Variants in LSG1 observed in about 807,000 individuals in gnomAD.
The protein encoded by LSG1 is large subunit GTPase 1 homolog.
Under a neutral mutation model 82.6 loss-of-function variants are expected in LSG1, and 55 were observed. The ratio of observed to expected loss-of-function variants is 0.67; its 90% CI spans 0.54 to 0.83. The LOEUF (loss-of-function observed/expected upper bound fraction) is 0.83, where lower values mean the gene tolerates loss of function less well. LSG1 is among the 40% of genes least tolerant of loss of function. The probability of loss-of-function intolerance (pLI) is 0.00; values close to 1 mark genes in which losing one functional copy is unlikely to be tolerated. For synonymous variants in LSG1, 272 were observed against 282.5 expected, an observed-to-expected ratio of 0.96 and a Z score of 0.37; for missense variants, 809 against 807.9, an observed-to-expected ratio of 1.00 and a Z score of -0.02.
chr3:194,667,917 C>A (rs1247534203), intron 2 of LSG1, among the ~76,000 whole-genome samples: 2 of 23,782 alleles, frequency 8.4e-5, no homozygotes, highest in Admixed American at 9.3e-4. Context: ...GAGAGAGACT[C>A]CGTCTCAAAA....
At chr3:194,667,293 C>T (rs1252328257) in intron 2 of LSG1, among the ~76,000 whole-genome samples, 1 of 152,034 alleles carries the variant, frequency 6.6e-6, no homozygotes, top group Non-Finnish European at 1.5e-5. Flanking sequence ...TCAGGTGATC[C>T]GCCCGCCTCG....
At chr3:194,645,549 C>CACACAGACAG (rs1560219723) in intron 12 of LSG1, 2 of 47,674 alleles carry the variant, frequency 4.2e-5, no homozygotes, top group South Asian at 1.8e-3. Context: ...CACACACACA[C>CACACAGACAG]ACACACACAC....
chr3:194,662,932 A>G (rs1718963193), intron 5 of LSG1, among the ~76,000 whole-genome samples: 2 of 152,216 alleles, frequency 1.3e-5, no homozygotes, highest in African/African-American at 4.8e-5. Flanking sequence ...AGGCTTGTCA[A>G]CCGGCTTTGT....
intron 8 of LSG1, among the ~76,000 whole-genome samples, chr3:194,652,326 TGGG>T (rs763734077): frequency 1.1e-4 from 17 of 152,364 alleles, no homozygotes; most frequent in South Asian, 2.1e-4. Flanking sequence ...CCCAAGATGC[TGGG>T]ATTCTCCCTA....
chr3:194,657,458 G>T (rs1317037874), intron 7 of LSG1, among the ~76,000 whole-genome samples: 10 of 139,162 alleles, frequency 7.2e-5, no homozygotes, highest in South Asian at 4.7e-4. Flanking sequence ...TGCTTAGTAA[G>T]TTTTTTTTTT....
chr3:194,659,114 A>G lies in LSG1; in HGVS notation c.602T>C (p.Met201Thr). Residue 201 changes from methionine to threonine, a missense_variant, in exon 7 of 14, where the codon ATG (methionine) becomes ACG (threonine). Met to Thr is a moderately conservative substitution (Grantham distance 81). Transcript: ENST00000265245. ...AATGACGTTCTCCTTATTGGCATCC[A>G]TTTCTTTCACATAACATTCCTAAGC... ...CEDLECYVKE[M>T]DANKENVILI... is the part of the protein sequence containing the mutation. 2 of 1,613,262 alleles carry G rather than the reference A, an allele frequency of 1.2e-6. No homozygotes were observed. Among genetic ancestry groups the G allele is most frequent in the East Asian group, 4.5e-5 (2 of 44,860 alleles).
rs1718392065 is a variant in LSG1 at position 194,641,772 on chromosome 3, C to CGT, written c.*295_*296insAC. 3 of 223,176 alleles carry CGT rather than the reference C, an allele frequency of 1.3e-5. No individual in the cohort carries two copies. Among genetic ancestry groups the CGT allele is most frequent in the Non-Finnish European group, 2.6e-5 (3 of 114,484 alleles). The allele number at this position is 223,176 out of a possible 1,614,324, so 13.8% of individuals were successfully genotyped here. On this transcript the variant is annotated 3_prime_UTR_variant, in exon 14 of 14. Transcript: ENST00000265245. ...GGGATTACAGGTGCGCGCCACCACGCCTGGCTAATTTTTTTGTATTTTTAG... is the reference window on the plus strand; with the variant it reads ...GGGATTACAGGTGCGCGCCACCACGCGTCTGGCTAATTTTTTTGTATTTTTAG...
Position 194,642,135 on chromosome 3 carries a change from C to CT in LSG1, c.1909_1910insA (p.Trp637Ter). 6.2e-7 allele frequency: 1 copy of CT among 1,613,764 alleles called. No homozygotes were observed. The highest frequency in any genetic ancestry group is 8.5e-7 in the Non-Finnish European group (1 of 1,179,984). ...ASSENGAGKP[W>*]KKHGNRNKKE... ...TTTATTTCTGTTGCCATGTTTTTTC[C>CT]AGGGCTTCCCCGCCCCGTTCTCAGA... The change falls in exon 14 of 14, where the codon TGG (tryptophan) becomes TAGG (stop). Residue 637 changes from tryptophan to a stop codon, truncating the protein, a stop_gained and frameshift_variant. Transcript: ENST00000265245. LOFTEE classifies it high-confidence loss of function.
At chr3:194,667,923 C>CAAA (rs1170566137) in intron 2 of LSG1, among the ~76,000 whole-genome samples, 4 of 12,832 alleles carry the variant, frequency 3.1e-4, no homozygotes, top group African/African-American at 1.2e-3. Flanking sequence ...GACTCCGTCT[C>CAAA]AAAAAAAAAA....
chr3:194,658,397 T>A (rs148912555), intron 7 of LSG1, among the ~76,000 whole-genome samples: 37 of 152,294 alleles, frequency 2.4e-4, no homozygotes, highest in African/African-American at 8.4e-4. Context: ...TCTGCCCCTC[T>A]CGGCTTCCCA....
At chr3:194,659,540 A>G (rs762211525) in intron 6 of LSG1, among the ~76,000 whole-genome samples, 31 of 152,238 alleles carry the variant, frequency 2.0e-4, no homozygotes, top group Non-Finnish European at 3.4e-4. Flanking sequence ...CAGTTCTCAA[A>G]AAGAAATATG....
chr3:194,657,458 G>GTTGT (rs769595417), intron 7 of LSG1, among the ~76,000 whole-genome samples: 1 of 139,152 alleles, frequency 7.2e-6, no homozygotes, highest in Non-Finnish European at 1.5e-5. Flanking sequence ...TGCTTAGTAA[G>GTTGT]TTTTTTTTTT....
chr3:194,665,786 A>G (rs1287298181), intron 4 of LSG1, 143 bp from the exon 5 acceptor site: 2 of 572,448 alleles, frequency 3.5e-6, no homozygotes, highest in Admixed American at 6.9e-5. Flanking sequence ...TTTCCTGCTG[A>G]GACACCATAA....
rs1160344293 is a variant in LSG1 at position 194,642,129 on chromosome 3, T to C, written c.1916A>G (p.Lys639Arg). Residue 639 changes from lysine (K) to arginine (R), a missense_variant, in exon 14 of 14, where the codon AAA (lysine) becomes AGA (arginine). By Grantham distance (26) the Lys-to-Arg change is conservative (BLOSUM62 2). Coordinates refer to ENST00000265245, the MANE Select transcript of LSG1 (RefSeq NM_018385.3). ...TTCTTTTTTATTTCTGTTGCCATGT[T>C]TTTTCCAGGGCTTCCCCGCCCCGTT... is the stretch of plus-strand genomic sequence containing the variant. ...SENGAGKPWKKHGNRNKKEKS... is the reference protein window; with the variant it reads ...SENGAGKPWKRHGNRNKKEKS... 1 of 1,613,760 alleles carries C rather than the reference T, an allele frequency of 6.2e-7. No homozygotes were observed. Among genetic ancestry groups the C allele is most frequent in the African/African-American group, 1.3e-5 (1 of 74,920 alleles).
Position 194,658,848 on chromosome 3 carries a change from C to CT in LSG1, c.759+108dup. On this transcript the variant is annotated intron_variant, in intron 7 of 13. Coordinates refer to ENST00000265245, the MANE Select transcript of LSG1 (RefSeq NM_018385.3). ...TAATCCAGCACACAGAGGAAAAACT[C>CT]TAATTCCCACAGATTTTCCATAAGA... is the stretch of plus-strand genomic sequence containing the variant. 11 of 1,140,152 alleles carry CT rather than the reference C, an allele frequency of 9.6e-6. No individual in the cohort carries two copies. In the South Asian group the frequency reaches 1.5e-4, roughly 16 times the overall value. The allele number at this position is 1,140,152 out of a possible 1,614,324, so 70.6% of individuals were successfully genotyped here. A position where few individuals can be genotyped will look rare whatever the true frequency, so the allele number is the denominator to read the frequency against.
chr3:194,643,974 C>T (rs9809010), intron 13 of LSG1, among the ~76,000 whole-genome samples: 2 of 151,878 alleles, frequency 1.3e-5, no homozygotes, highest in Non-Finnish European at 2.9e-5. Flanking sequence ...ATTCCAGTCA[C>T]GTGAAGTCTC....
rs1394515590 is a variant in LSG1, at chr3:194,653,123, T to A, written c.779A>T (p.Asp260Val). 1.2e-6 allele frequency: 2 copies of A among 1,613,828 alleles called. No individual in the cohort carries two copies. Among genetic ancestry groups the A allele is most frequent in the Non-Finnish European group, 8.5e-7 (1 of 1,179,842 alleles). The change falls in exon 8 of 14, where the codon GAT becomes GTT. Residue 260 changes from aspartate (D) to valine (V), a missense_variant. Physicochemically the swap from Asp to Val is radical, Grantham distance 152. Coordinates refer to ENST00000265245, the MANE Select transcript of LSG1 (RefSeq NM_018385.3). Reference protein sequence around the residue: ...GDSEEEANRDDRQSNTTKFGH... With the variant: ...GDSEEEANRDVRQSNTTKFGH... ...AAACTTGGTTGTGTTGCTTTGTCTATCATCTCTGTTTGCCTCTTCCTGACA... is the reference window on the plus strand; with the variant it reads ...AAACTTGGTTGTGTTGCTTTGTCTAACATCTCTGTTTGCCTCTTCCTGACA...
chr3:194,655,124 C>T (rs1266817065), intron 7 of LSG1, among the ~76,000 whole-genome samples: 1 of 152,126 alleles, frequency 6.6e-6, no homozygotes, highest in Non-Finnish European at 1.5e-5. Context: ...CAAATGGCGC[C>T]TCACTCTTAA....
At chr3:194,659,201 A>C in intron 6 of LSG1, 68 bp from the exon 7 acceptor site, 1 of 1,330,132 alleles carries the variant, frequency 7.5e-7, no homozygotes, top group East Asian at 2.3e-5. Flanking sequence ...AATTATATTA[A>C]AGATCCCAAT....
Sources: gnomAD v4.1 joint callset for allele counts (sites outside exome capture counted in the v4.1 genomes callset) on GRCh38, gnomAD v4.1.1 for gene constraint, MANE v1.5 for transcripts, NCBI Gene and HGNC (gene_info 2026-07-23, HGNC 2026-07-21) for gene names.